Variants in TRIM9 observed in about 807,000 individuals in gnomAD.
The protein encoded by TRIM9 is tripartite motif containing 9, also known as E3 ubiquitin-protein ligase TRIM9.
TRIM9 carries 26 observed loss-of-function variants against 78.3 expected under a neutral mutation model. The observed-to-expected ratio is 0.33, with a 90% CI of 0.24 to 0.46. TRIM9 has a LOEUF of 0.46. TRIM9 is among the 20% of genes least tolerant of loss of function. The probability of loss-of-function intolerance (pLI) is 1.00; values close to 1 mark genes in which losing one functional copy is unlikely to be tolerated. For missense variants in TRIM9, 787 were observed against 1,036.4 expected (o/e 0.76, Z 3.30); for synonymous variants, 398 against 416.5 (o/e 0.96, Z 0.54).
At chr14:51,043,536 G>A (rs2140001456) in intron 1 of TRIM9, among the ~76,000 whole-genome samples, 1 of 152,350 alleles carries the variant, frequency 6.6e-6, no homozygotes, top group East Asian at 1.9e-4. Context: ...GCTAATTAGT[G>A]TGTCCTCACC....
intron 1 of TRIM9, among the ~76,000 whole-genome samples, chr14:51,062,433 G>A (rs2140166477): frequency 6.6e-6 from 1 of 152,236 alleles, no homozygotes; most frequent in African/African-American, 2.4e-5. Flanking sequence ...CACTCATGGT[G>A]GAGTAGCCTT....
chr14:51,066,827 G>A (rs1402532056), intron 1 of TRIM9, among the ~76,000 whole-genome samples: 3 of 152,150 alleles, frequency 2.0e-5, no homozygotes, highest in Non-Finnish European at 4.4e-5. Context: ...ACAGGTGGTC[G>A]CCTGCGATTG....
intron 11 of TRIM9, among the ~76,000 whole-genome samples, chr14:50,980,736 C>A (rs1294052806): frequency 6.6e-6 from 1 of 152,238 alleles, no homozygotes; most frequent in African/African-American, 2.4e-5. Context: ...CTGAAGATAA[C>A]CACTTATCTA....
chr14:51,068,126 T>C (rs1257663354), intron 1 of TRIM9, among the ~76,000 whole-genome samples: 1 of 152,132 alleles, frequency 6.6e-6, no homozygotes, highest in East Asian at 1.9e-4. Flanking sequence ...TCCTAAGACT[T>C]TGTATTTTTA....
At chr14:51,050,417 C>CATGCCTT (rs2060313353) in intron 1 of TRIM9, among the ~76,000 whole-genome samples, 1 of 152,214 alleles carries the variant, frequency 6.6e-6, no homozygotes, top group South Asian at 2.1e-4. Flanking sequence ...CCATGTAAGA[C>CATGCCTT]ATGCCTTTCG....
chr14:50,986,723 GA>G (rs1207186438), intron 7 of TRIM9, among the ~76,000 whole-genome samples: 43 of 152,274 alleles, frequency 2.8e-4, no homozygotes, highest in African/African-American at 9.9e-4. Flanking sequence ...GTGGTCTAAG[GA>G]AGACAGGGCT....
chr14:51,070,998 G>A (rs1438491569), intron 1 of TRIM9, among the ~76,000 whole-genome samples: 1 of 152,068 alleles, frequency 6.6e-6, no homozygotes, highest in African/African-American at 2.4e-5. Flanking sequence ...ATAAGATAAT[G>A]TAAATGATCC....
intron 3 of TRIM9, among the ~76,000 whole-genome samples, chr14:51,017,422 C>G (rs375811326): frequency 5.1e-4 from 77 of 152,250 alleles, no homozygotes; most frequent in African/African-American, 1.8e-3. Flanking sequence ...AATTTCTATT[C>G]TAGAAGTGTG....
chr14:50,993,717 T>C (rs530853161), intron 7 of TRIM9, among the ~76,000 whole-genome samples: 9 of 152,290 alleles, frequency 5.9e-5, no homozygotes, highest in Non-Finnish European at 1.2e-4. Context: ...GTGTTTTCAG[T>C]CACCTTGCAG....
chr14:51,024,773 G>A (rs1350227272), intron 2 of TRIM9, among the ~76,000 whole-genome samples: 1 of 151,838 alleles, frequency 6.6e-6, no homozygotes, highest in Non-Finnish European at 1.5e-5. Flanking sequence ...AGAAAGAAAG[G>A]CAGAAAGGGA....
At chr14:50,988,565 C>T (rs1203892945) in intron 7 of TRIM9, among the ~76,000 whole-genome samples, 1 of 140,858 alleles carries the variant, frequency 7.1e-6, no homozygotes, top group East Asian at 2.0e-4. Flanking sequence ...CCATACTGTA[C>T]AACCATTTCT....
chr14:51,050,195 G>A (rs1357263272), intron 1 of TRIM9, among the ~76,000 whole-genome samples: 1 of 152,112 alleles, frequency 6.6e-6, no homozygotes, highest in Non-Finnish European at 1.5e-5. Flanking sequence ...CTTTCCAAAT[G>A]TGCCTGATAT....
intron 6 of TRIM9, among the ~76,000 whole-genome samples, chr14:50,999,117 C>T (rs955536390): frequency 1.2e-4 from 19 of 152,192 alleles, no homozygotes; most frequent in African/African-American, 4.3e-4. Flanking sequence ...GGTAGGGTCT[C>T]GATTTTGCAT....
rs375910204 is a variant in TRIM9 at position 51,038,405 on chromosome 14, C to T, written c.823-13045G>A. 4.6e-5 allele frequency among the ~76,000 whole-genome samples: 7 copies of T among 152,212 alleles called. 1 individual carries two copies. The East Asian group carries it at 7.7e-4, about 17-fold the overall frequency. ...TACTGTTTCATGGCAGCAATAGAAA[C>T]CTAACACACCTGAGAAGGCAGTTGG... On this transcript the variant is annotated intron_variant, in intron 1 of 12. Transcript: ENST00000684578.
intron 1 of TRIM9, among the ~76,000 whole-genome samples, chr14:51,064,266 A>T (rs563337082): frequency 3.7e-4 from 57 of 152,230 alleles, no homozygotes; most frequent in African/African-American, 1.2e-3. Context: ...GTAATAAATA[A>T]AAATTGTAAC....
intron 1 of TRIM9, among the ~76,000 whole-genome samples, chr14:51,066,087 A>AGGAAGGAGGGAGGGAG (rs1555346990): frequency 1.4e-5 from 1 of 72,438 alleles, no homozygotes; most frequent in African/African-American, 5.5e-5. Context: ...GAAGGAAGGA[A>AGGAAGGAGGGAGGGAG]GGAGGGAGGG....
intron 1 of TRIM9, among the ~76,000 whole-genome samples, chr14:51,035,033 C>G (rs190764636): frequency 4.8e-5 from 7 of 145,454 alleles, no homozygotes; most frequent in Admixed American, 1.3e-4. Flanking sequence ...ATATTTATAA[C>G]ACATTAAGTG....
At chr14:51,027,837 C>CT (rs5808589) in intron 1 of TRIM9, among the ~76,000 whole-genome samples, 61,860 of 150,042 alleles carry the variant, frequency 0.41, 13,677 homozygotes, top group African/African-American at 0.58. Flanking sequence ...GAACTCATAT[C>CT]TTTTTTTTTT....
intron 7 of TRIM9, among the ~76,000 whole-genome samples, chr14:50,988,568 C>T (rs1178119669): frequency 1.5e-5 from 2 of 132,732 alleles, no homozygotes; most frequent in South Asian, 2.2e-4. Flanking sequence ...TACTGTACAA[C>T]CATTTCTTTT....
Sources: gnomAD v4.1 joint callset for allele counts (sites outside exome capture counted in the v4.1 genomes callset) on GRCh38, gnomAD v4.1.1 for gene constraint, MANE v1.5 for transcripts, NCBI Gene and HGNC (gene_info 2026-07-23, HGNC 2026-07-21) for gene names.